The following UGGT1 variants were observed in gnomAD, a reference collection of about 807,000 sequenced individuals.
The protein encoded by UGGT1 is UDP-glucose:glycoprotein glucosyltransferase 1.
UGGT1 carries 107 observed loss-of-function variants against 203.9 expected under a neutral mutation model. The observed-to-expected ratio is 0.52, with a 90% CI of 0.45 to 0.62. The LOEUF is 0.62. Among genes scored for constraint, UGGT1 ranks in the 20% least tolerant of loss-of-function variants. The probability of loss-of-function intolerance (pLI) is 0.00; values close to 1 mark genes in which losing one functional copy is unlikely to be tolerated. For missense variants in UGGT1, 1,673 were observed against 1,867.2 expected (o/e 0.90, Z 1.92); for synonymous variants, 628 against 653.5 (o/e 0.96, Z 0.59).
intron 5 of UGGT1, among the ~76,000 whole-genome samples, chr2:128,112,123 TATAAC>T (rs1352242151): frequency 2.0e-5 from 3 of 147,366 alleles, no homozygotes; most frequent in Non-Finnish European, 4.5e-5. Context: ...TATAACATAA[TATAAC>T]ATATTATATT....
At chr2:128,138,574 A>T in intron 15 of UGGT1, 143 bp from the exon 16 acceptor site, 1 of 909,052 alleles carries the variant, frequency 1.1e-6, no homozygotes, top group Non-Finnish European at 1.6e-6. Flanking sequence ...ATGTTAGAGT[A>T]GAGTAGGCTG....
At chr2:128,102,923 A>G (rs962490849) in intron 2 of UGGT1, among the ~76,000 whole-genome samples, 1 of 152,188 alleles carries the variant, frequency 6.6e-6, no homozygotes, top group Non-Finnish European at 1.5e-5. Context: ...TGTGGTGTCT[A>G]TGTCAGTTAC....
intron 31 of UGGT1, among the ~76,000 whole-genome samples, chr2:128,176,407 CAAAA>C (rs757833629): frequency 2.8e-5 from 2 of 70,226 alleles, no homozygotes; most frequent in Admixed American, 1.6e-4. Context: ...AACTCTGTCT[CAAAA>C]AAAAAAAAAA....
intron 8 of UGGT1, among the ~76,000 whole-genome samples, chr2:128,117,446 A>G (rs1165665809): frequency 1.3e-5 from 2 of 152,226 alleles, no homozygotes; most frequent in Admixed American, 1.3e-4. Flanking sequence ...TATTTTAAAA[A>G]ATTCCATAAT....
Position 128,176,888 on chromosome 2 carries a change from T to C in UGGT1, c.3614T>C (p.Ile1205Thr), listed in dbSNP as rs1491004261. 1 of 1,614,074 alleles carries C rather than the reference T, an allele frequency of 6.2e-7. No homozygotes were observed. The highest frequency in any genetic ancestry group is 1.1e-5 in the South Asian group (1 of 91,082). ...CTCAACAACTTCAAAAGCAAAATTA[T>C]TAAAGTGAAGGTGAGTTTGGTAAAA... ...IVLNNFKSKIIKVKVQKKADM... is the reference protein window; with the variant it reads ...IVLNNFKSKITKVKVQKKADM... Residue 1205 changes from isoleucine (I) to threonine (T), a missense_variant, in exon 32 of 41, where the codon ATT becomes ACT. Physicochemically the swap from Ile to Thr is moderately conservative, Grantham distance 89 (BLOSUM62 -1). Transcript: ENST00000259253.
chr2:128,186,909 A>C, intron 39 of UGGT1, 110 bp downstream of exon 39: 1 of 814,370 alleles, frequency 1.2e-6, no homozygotes, highest in Non-Finnish European at 1.9e-6. Context: ...CTAGATTCTT[A>C]TTTAGACTTT....
At chr2:128,110,456 G>T (rs1244099181) in intron 5 of UGGT1, among the ~76,000 whole-genome samples, 1 of 152,176 alleles carries the variant, frequency 6.6e-6, no homozygotes, top group Non-Finnish European at 1.5e-5. Flanking sequence ...TTCTTACTCA[G>T]AGTGCCGACC....
chr2:128,109,450 G>A (rs1687751291), intron 4 of UGGT1, among the ~76,000 whole-genome samples, 184 bp from the exon 5 acceptor site: 1 of 152,044 alleles, frequency 6.6e-6, no homozygotes, highest in African/African-American at 2.4e-5. Flanking sequence ...GCCCAGGCTT[G>A]GGCTTAAGTG....
chr2:128,180,908 G>A lies in UGGT1; in HGVS notation c.3919G>A (p.Ala1307Thr). The part of the protein sequence containing the change: ...PTFKEFIPYM[A>T]NEYNFQYELV... ...AAAATAGGAGTTTATACCTTACATG[G>A]CAAATGAATACAATTTCCAGTATGA... Residue 1307 changes from alanine (A) to threonine (T), a missense_variant, in exon 36 of 41, where the codon GCA becomes ACA. Ala to Thr is a moderately conservative substitution (Grantham distance 58). Coordinates refer to ENST00000259253, the MANE Select transcript of UGGT1 (RefSeq NM_020120.4). The A allele has an allele frequency of 6.2e-7, 1 of 1,613,412 alleles. No homozygotes were observed. Among genetic ancestry groups the A allele is most frequent in the Non-Finnish European group, 8.5e-7 (1 of 1,179,720 alleles).
chr2:128,174,016 G>A, intron 30 of UGGT1, 77 bp downstream of exon 30: 1 of 1,523,368 alleles, frequency 6.6e-7, no homozygotes, highest in South Asian at 1.2e-5. Flanking sequence ...GGAGCAATTA[G>A]CATTCTTAAC....
At chr2:128,123,647 A>G (rs1351976488) in intron 11 of UGGT1, among the ~76,000 whole-genome samples, 1 of 152,068 alleles carries the variant, frequency 6.6e-6, no homozygotes, top group Non-Finnish European at 1.5e-5. Context: ...CCTCCCCCTC[A>G]GTGTCCCACC....
At chr2:128,171,430 A>G in intron 28 of UGGT1, 146 bp downstream of exon 28, 1 of 741,154 alleles carries the variant, frequency 1.3e-6, no homozygotes, top group Middle Eastern at 3.4e-4. Context: ...GCCAAATTTC[A>G]TTCTAATCAG....
At chr2:128,144,726 T>C (rs1419770152) in intron 17 of UGGT1, among the ~76,000 whole-genome samples, 3 of 152,240 alleles carry the variant, frequency 2.0e-5, no homozygotes, top group Non-Finnish European at 4.4e-5. Context: ...TTCTGTGCTG[T>C]TACCTGTTAT....
chr2:128,155,568 G>A lies in UGGT1; in HGVS notation c.2217G>A (p.Met739Ile). The change falls in exon 20 of 41, where the codon ATG (methionine) becomes ATA (isoleucine). Residue 739 changes from methionine to isoleucine, a missense_variant. Around this residue, in one of 4 missense-constraint regions of UGGT1, gnomAD observed 1,073 missense variants for 1,078.7 expected, o/e 0.99. Transcript: ENST00000259253. Reference protein sequence around the residue: ...QGKTAAVANSMNYLTKKGMSS... With the variant: ...QGKTAAVANSINYLTKKGMSS... ...AGACTGCTGCTGTAGCCAATAGTAT[G>A]AACTATCTGACAAAGAAAGGTAATC... The A allele has an allele frequency of 6.2e-7, 1 of 1,612,050 alleles. No individual in the cohort carries two copies.
At chr2:128,091,686 G>A (rs1337489560) in intron 1 of UGGT1, 3 of 990,686 alleles carry the variant, frequency 3.0e-6, no homozygotes, top group Non-Finnish European at 4.1e-6. Context: ...AAGTGCAGAA[G>A]GAAATGGGGG....
At chr2:128,130,690 A>G (rs1447634028) in intron 13 of UGGT1, among the ~76,000 whole-genome samples, 1 of 152,064 alleles carries the variant, frequency 6.6e-6, no homozygotes, top group African/African-American at 2.4e-5. Flanking sequence ...TCCCTTACCA[A>G]CCACCCCTCT....
At chr2:128,124,076 G>A (rs1688502280) in intron 11 of UGGT1, among the ~76,000 whole-genome samples, 1 of 152,142 alleles carries the variant, frequency 6.6e-6, no homozygotes. Context: ...CTCCCAAGTA[G>A]CTGGGACCAC....
At chr2:128,155,095 C>G (rs1558800501) in intron 19 of UGGT1, among the ~76,000 whole-genome samples, 1 of 152,256 alleles carries the variant, frequency 6.6e-6, no homozygotes, top group East Asian at 1.9e-4. Flanking sequence ...CGTATTTTCT[C>G]TTTTACCCCT....
intron 13 of UGGT1, among the ~76,000 whole-genome samples, chr2:128,129,918 G>A (rs1688793613): frequency 6.6e-6 from 1 of 152,090 alleles, no homozygotes; most frequent in Admixed American, 6.6e-5. Flanking sequence ...ATAGACTTTT[G>A]CCTGCCATAT....
Sources: allele counts gnomAD v4.1 joint callset (sites outside exome capture counted in the v4.1 genomes callset), GRCh38; gene constraint gnomAD v4.1.1; regional missense constraint gnomAD v4.1.1; transcripts MANE v1.5; gene names NCBI Gene and HGNC (gene_info 2026-07-23, HGNC 2026-07-21).